The following SPRED2 variants were observed in gnomAD, a reference collection of about 807,000 sequenced individuals.
SPRED2 encodes the protein sprouty-related, EVH1 domain-containing protein 2.
SPRED2 carries 47 observed loss-of-function variants against 43.0 expected under a neutral mutation model. The ratio of observed to expected loss-of-function variants is 1.09; its 90% CI spans 0.87 to 1.40. The LOEUF is 1.40. Ranked by LOEUF, SPRED2 falls within the 40% of genes most tolerant of loss-of-function variation. The probability of loss-of-function intolerance (pLI) is 0.00; values close to 1 mark genes in which losing one functional copy is unlikely to be tolerated. For synonymous variants in SPRED2, 225 were observed against 225.7 expected (o/e 1.00, Z 0.03); for missense variants, 561 against 586.4 (o/e 0.96, Z 0.45).
intron 1 of SPRED2, among the ~76,000 whole-genome samples, chr2:65,415,827 G>A (rs1324661592): frequency 6.6e-6 from 1 of 151,570 alleles, no homozygotes; most frequent in East Asian, 1.9e-4. Context: ...ACATCCATTT[G>A]GTATATGCCT....
intron 1 of SPRED2, among the ~76,000 whole-genome samples, chr2:65,360,576 A>G (rs1233422580): frequency 3.3e-5 from 5 of 152,256 alleles, no homozygotes; most frequent in Non-Finnish European, 7.3e-5. Flanking sequence ...ACAAAAAGAA[A>G]TACTGCATGA....
At chr2:65,375,154 C>G (rs776500117) in intron 1 of SPRED2, among the ~76,000 whole-genome samples, 21 of 152,240 alleles carry the variant, frequency 1.4e-4, no homozygotes, top group Non-Finnish European at 2.5e-4. Context: ...CCCCTGCCCA[C>G]GTGCCTTGCC....
intron 1 of SPRED2, among the ~76,000 whole-genome samples, chr2:65,361,640 T>C (rs1052335074): frequency 4.6e-5 from 7 of 152,256 alleles, no homozygotes; most frequent in Admixed American, 2.0e-4. Flanking sequence ...AAGAATTTCC[T>C]GACAGTTCCA....
intron 1 of SPRED2, among the ~76,000 whole-genome samples, chr2:65,352,153 T>G (rs1674530216): frequency 6.6e-6 from 1 of 152,222 alleles, no homozygotes; most frequent in Non-Finnish European, 1.5e-5. Context: ...GTAGAAAGAC[T>G]CGATCGCAAA....
chr2:65,392,567 T>G (rs1477115497), intron 1 of SPRED2, among the ~76,000 whole-genome samples: 1 of 152,222 alleles, frequency 6.6e-6, no homozygotes, highest in Non-Finnish European at 1.5e-5. Flanking sequence ...TTTTTTATTT[T>G]AAGGATTTCG....
intron 1 of SPRED2, among the ~76,000 whole-genome samples, chr2:65,420,928 A>G (rs1676407907): frequency 6.6e-6 from 1 of 152,194 alleles, no homozygotes; most frequent in Non-Finnish European, 1.5e-5. Context: ...TGCATCAGAA[A>G]CAACACAACC....
chr2:65,345,256 G>GTTTTTT (rs1674316483), intron 1 of SPRED2, among the ~76,000 whole-genome samples: 1 of 82,798 alleles, frequency 1.2e-5, no homozygotes, highest in African/African-American at 5.3e-5. Context: ...GTTTTTAGTT[G>GTTTTTT]TTGTTTTTTT....
intron 4 of SPRED2, among the ~76,000 whole-genome samples, chr2:65,317,857 G>A (rs1673290842): frequency 6.6e-6 from 1 of 152,148 alleles, no homozygotes. Context: ...CCTCTGTGAA[G>A]GGGGAGTACA....
intron 1 of SPRED2, among the ~76,000 whole-genome samples, chr2:65,399,411 ATC>A (rs1433612756): frequency 7.2e-6 from 1 of 139,658 alleles, no homozygotes; most frequent in Non-Finnish European, 1.5e-5. Context: ...TTGAGAGGGA[ATC>A]TCTCTGTCGC....
intron 1 of SPRED2, among the ~76,000 whole-genome samples, chr2:65,398,446 C>G (rs1258815880): frequency 6.6e-6 from 1 of 152,128 alleles, no homozygotes; most frequent in Non-Finnish European, 1.5e-5. Context: ...TAGCAGACAA[C>G]CCGCAGAGTG....
At position 65,401,937 on chromosome 2, in the gene SPRED2, G is replaced by GCGCACACACACACACA. The variant is rs776512353; in HGVS notation, c.26+30024_26+30025insTGTGTGTGTGTGTGCG. ...ACGATCAGAATATTAGCGCGCGCGC[G>GCGCACACACACACACA]CACACACACACACACACACACACAC... On this transcript the variant is annotated intron_variant, in intron 1 of 5. Transcript: ENST00000356388. 1.4e-3 allele frequency among the ~76,000 whole-genome samples: 158 copies of GCGCACACACACACACA among 114,748 alleles called. 1 individual carries two copies. Among genetic ancestry groups the GCGCACACACACACACA allele is most frequent in the African/African-American group, 4.2e-3 (125 of 29,622 alleles). 75.3% of individuals were successfully genotyped at this position (114,748 alleles called of 152,430 possible).
At chr2:65,375,853 T>C (rs1675225436) in intron 1 of SPRED2, among the ~76,000 whole-genome samples, 1 of 152,216 alleles carries the variant, frequency 6.6e-6, no homozygotes, top group Non-Finnish European at 1.5e-5. Context: ...TTCATTTGTT[T>C]GTTTCCCATG....
At chr2:65,350,855 G>C (rs922405275) in intron 1 of SPRED2, among the ~76,000 whole-genome samples, 1 of 152,246 alleles carries the variant, frequency 6.6e-6, no homozygotes, top group Non-Finnish European at 1.5e-5. Context: ...GCAGCACTGG[G>C]TCTCACAAAG....
intron 4 of SPRED2, among the ~76,000 whole-genome samples, chr2:65,330,475 G>A (rs556315036): frequency 6.6e-6 from 1 of 152,108 alleles, no homozygotes; most frequent in Non-Finnish European, 1.5e-5. Flanking sequence ...ATTTTTATTA[G>A]ACTTTTTTTT....
intron 1 of SPRED2, among the ~76,000 whole-genome samples, chr2:65,383,648 G>A (rs1219292681): frequency 6.6e-6 from 1 of 152,158 alleles, no homozygotes; most frequent in Non-Finnish European, 1.5e-5. Context: ...TTGCTGTGGT[G>A]CCTAATCGAA....
chr2:65,423,503 A>T (rs1368988662), intron 1 of SPRED2, among the ~76,000 whole-genome samples: 1 of 152,256 alleles, frequency 6.6e-6, no homozygotes, highest in Non-Finnish European at 1.5e-5. Flanking sequence ...AGAAACAGTC[A>T]GTCTTAGAAC....
chr2:65,430,586 A>G (rs1676653754), intron 1 of SPRED2, among the ~76,000 whole-genome samples: 2 of 152,146 alleles, frequency 1.3e-5, no homozygotes, highest in South Asian at 4.1e-4. Flanking sequence ...TTCCCCTCCC[A>G]GCACTCTTGA....
rs1340138265 is a variant in SPRED2 at position 65,310,926 on chromosome 2, T to TA, written c.*2574dup. Reference sequence around the variant, plus strand: ...CATTGGTCATACATATTAGAAACCATAAAAAAAAGTTAAGAACTAAAATGT... The same window carrying TA: ...CATTGGTCATACATATTAGAAACCATAAAAAAAAAGTTAAGAACTAAAATGT... On this transcript the variant is annotated 3_prime_UTR_variant, in exon 6 of 6. Coordinates refer to ENST00000356388, the MANE Select transcript of SPRED2 (RefSeq NM_181784.3). 1.2e-5 allele frequency: 12 copies of TA among 984,096 alleles called. No homozygotes were observed. The highest frequency in any genetic ancestry group is 1.3e-5 in the Non-Finnish European group (11 of 828,630). The allele number at this position is 984,096 out of a possible 1,614,324, so 61.0% of individuals were successfully genotyped here. A position where few individuals can be genotyped will look rare whatever the true frequency, so the allele number is the denominator to read the frequency against.
chr2:65,387,617 A>C (rs567619234), intron 1 of SPRED2, among the ~76,000 whole-genome samples: 1 of 152,224 alleles, frequency 6.6e-6, no homozygotes, highest in Non-Finnish European at 1.5e-5. Flanking sequence ...CTCCAGAGTG[A>C]AGATACTATA....
Sources: allele counts gnomAD v4.1 joint callset (sites outside exome capture counted in the v4.1 genomes callset), GRCh38; gene constraint gnomAD v4.1.1; transcripts MANE v1.5; gene names NCBI Gene and HGNC (gene_info 2026-07-23, HGNC 2026-07-21).